ADAMTS2: variants seen among roughly 807,000 people sequenced by gnomAD.
The protein encoded by ADAMTS2 is A disintegrin and metalloproteinase with thrombospondin motifs 2.
ADAMTS2 carries 50 observed loss-of-function variants against 123.0 expected under a neutral mutation model. The observed-to-expected ratio is 0.41, with a 90% confidence interval of 0.32 to 0.51. The LOEUF (loss-of-function observed/expected upper bound fraction) is 0.51, where lower values mean the gene tolerates loss of function less well. Ranked by LOEUF, ADAMTS2 falls within the 20% of genes least tolerant of loss-of-function variation. The pLI, the probability that ADAMTS2 is intolerant of heterozygous loss-of-function variation, is 0.35. For synonymous variants in ADAMTS2, 678 were observed against 695.4 expected, an observed-to-expected ratio of 0.98 and a Z score of 0.39; for missense variants, 1,494 against 1,705.2, an observed-to-expected ratio of 0.88 and a Z score of 2.18.
intron 3 of ADAMTS2, among the ~76,000 whole-genome samples, chr5:179,221,198 C>T (rs1170608103): frequency 6.6e-6 from 1 of 152,174 alleles, no homozygotes; most frequent in Non-Finnish European, 1.5e-5. Flanking sequence ...CCTGTTTCTT[C>T]TTCATGGTAG....
rs576242474 is a variant in ADAMTS2 at position 179,180,922 on chromosome 5, T to C, written c.975+150A>G. 62 of 662,402 alleles carry C rather than the reference T, an allele frequency of 9.4e-5. No individual in the cohort carries two copies. Among genetic ancestry groups the C allele is most frequent in the Non-Finnish European group, 1.6e-4 (59 of 366,006 alleles). The allele number at this position is 662,402 out of a possible 1,614,324, so 41.0% of individuals were successfully genotyped here. On this transcript the variant is annotated intron_variant, in intron 5 of 21. Coordinates refer to ENST00000251582, the MANE Select transcript of ADAMTS2 (RefSeq NM_014244.5). The surrounding 1 kb of genome is among the most constrained non-coding windows in gnomAD (Gnocchi z 4.6). ...AACAAGGGGTGAAAGGGAGCAGGGA[T>C]CTTGTTTCTTATAGGAACCTCAGGG...
chr5:179,297,562 C>T (rs1053865046), intron 2 of ADAMTS2, among the ~76,000 whole-genome samples: 1 of 152,086 alleles, frequency 6.6e-6, no homozygotes, highest in Admixed American at 6.5e-5. Flanking sequence ...ACGCTGAGGC[C>T]CCATGTCTCC....
chr5:179,229,322 AC>A (rs1345712669), intron 3 of ADAMTS2, among the ~76,000 whole-genome samples: 4 of 100,466 alleles, frequency 4.0e-5, no homozygotes, highest in African/African-American at 1.3e-4. Flanking sequence ...CCCGCTGCCC[AC>A]TCCACAAACA....
intron 21 of ADAMTS2, among the ~76,000 whole-genome samples, chr5:179,114,562 T>C (rs1189121727): frequency 2.6e-5 from 4 of 152,194 alleles, no homozygotes; most frequent in Admixed American, 6.5e-5. Context: ...GCTTCCCTCT[T>C]CCAAGCAGGC....
intron 2 of ADAMTS2, among the ~76,000 whole-genome samples, chr5:179,313,237 G>A (rs111681899): frequency 2.8e-5 from 4 of 143,456 alleles, no homozygotes; most frequent in African/African-American, 1.0e-4. Context: ...GACAGAGGAG[G>A]GCCTGGCCAG....
rs1422793146 is a variant in ADAMTS2, at chr5:179,262,526, T to G, written c.688+10385A>C. On this transcript the variant is annotated intron_variant, in intron 3 of 21. Transcript: ENST00000251582. The surrounding 1 kb of genome is among the most constrained non-coding windows in gnomAD (Gnocchi z 5.9). The stretch of plus-strand genomic sequence containing the variant: ...CCTCCCGGCCCTGCACGCCTCCCAC[T>G]CCCCCATTACGTCCTCAGTTCCAGG... Among the ~76,000 whole-genome samples, 5 of 151,746 alleles carry G rather than the reference T, an allele frequency of 3.3e-5. No individual in the cohort carries two copies. The highest frequency in any genetic ancestry group is 1.2e-4 in the African/African-American group (5 of 41,288).
chr5:179,137,780 TC>T lies in ADAMTS2; in HGVS notation c.1939del (p.Glu647SerfsTer24). Reference protein sequence around the residue: ...GDAQHHWLPHEHRDAKERCHL... With the variant: ...GDAQHHWLPHXHRDAKERCHL... The stretch of plus-strand genomic sequence containing the variant: ...CCAGAAGGGCTCACCATCCCGGTGC[TC>T]GTGGGGCAGCCAGTGGTGCTGGGCG... On this transcript the variant is annotated frameshift_variant, in exon 12 of 22. Coordinates refer to ENST00000251582, the MANE Select transcript of ADAMTS2 (RefSeq NM_014244.5). LOFTEE classifies it high-confidence loss of function. 6.5e-7 allele frequency: 1 copy of T among 1,541,168 alleles called. No homozygotes were observed. The highest frequency in any genetic ancestry group is 8.7e-7 in the Non-Finnish European group (1 of 1,143,558).
chr5:179,278,221 A>G (rs1351489275), intron 2 of ADAMTS2, among the ~76,000 whole-genome samples: 4 of 142,890 alleles, frequency 2.8e-5, no homozygotes, highest in Non-Finnish European at 6.1e-5. Flanking sequence ...TCCTGCCAAG[A>G]CCGCTGGCCA....
rs1425384764 is a variant in ADAMTS2 at position 179,225,160 on chromosome 5, T to G, written c.689-17445A>C. Among the ~76,000 whole-genome samples the G allele has an allele frequency of 2.8e-4, 43 of 152,080 alleles. No individual in the cohort carries two copies. The highest frequency in any genetic ancestry group is 2.7e-3 in the Admixed American group (41 of 15,262). On this transcript the variant is annotated intron_variant, in intron 3 of 21. Transcript: ENST00000251582. The surrounding 1 kb of genome is among the most constrained non-coding windows in gnomAD (Gnocchi z 4.5). ...AACTAACACTCAGCACGCACCAGGCTCCTCCTCCCTCTCATGGACTCTCAA... is the reference window on the plus strand; with the variant it reads ...AACTAACACTCAGCACGCACCAGGCGCCTCCTCCCTCTCATGGACTCTCAA...
chr5:179,163,553 C>G (rs555043071), intron 5 of ADAMTS2, among the ~76,000 whole-genome samples: 2 of 152,314 alleles, frequency 1.3e-5, no homozygotes, highest in Middle Eastern at 3.4e-3. Context: ...CCCGTCACCA[C>G]TTTATTCCAG....
At chr5:179,160,879 G>A (rs1361925834) in intron 5 of ADAMTS2, among the ~76,000 whole-genome samples, 7 of 152,184 alleles carry the variant, frequency 4.6e-5, no homozygotes, top group Admixed American at 3.3e-4. Context: ...GTCTCTTTTC[G>A]GTTGGAGCAT....
chr5:179,300,656 G>A (rs1756489825), intron 2 of ADAMTS2, among the ~76,000 whole-genome samples: 1 of 152,146 alleles, frequency 6.6e-6, no homozygotes, highest in Non-Finnish European at 1.5e-5. Flanking sequence ...TGGCACAGCA[G>A]GCTTTAGCAG....
rs1756360486 is a variant in ADAMTS2 at position 179,297,092 on chromosome 5, G to A, written c.535-24028C>T. Among the ~76,000 whole-genome samples the A allele has an allele frequency of 2.0e-5, 3 of 152,246 alleles. No homozygotes were observed. In the South Asian group the frequency reaches 6.2e-4, roughly 32 times the overall value. On this transcript the variant is annotated intron_variant, in intron 2 of 21. Coordinates refer to ENST00000251582, the MANE Select transcript of ADAMTS2 (RefSeq NM_014244.5). ...AGTCACCAAGCTTTACAAACCAAGG[G>A]CCGCAGCATCTGCCATGGTTAGAAA...
In ADAMTS2 at chr5:179,125,990, G is replaced by A. The variant is rs758826264; in HGVS notation, c.2750+8C>T. 1.2e-6 allele frequency: 2 copies of A among 1,613,388 alleles called. No individual in the cohort carries two copies. The highest frequency in any genetic ancestry group is 2.2e-5 in the East Asian group (1 of 44,878). ...CCTCTAGTGGGAGCCCGAGCTGGGG[G>A]CACTCACACTGGCTGGGAGCATTCC... On this transcript the variant is annotated splice_region_variant and intron_variant, in intron 18 of 21. Coordinates refer to ENST00000251582, the MANE Select transcript of ADAMTS2 (RefSeq NM_014244.5).
At chr5:179,268,028 C>T (rs756342566) in intron 3 of ADAMTS2, among the ~76,000 whole-genome samples, 2 of 152,218 alleles carry the variant, frequency 1.3e-5, no homozygotes, top group Non-Finnish European at 2.9e-5. Context: ...ATTCCTGGAG[C>T]CTTCTCAGTT....
intron 3 of ADAMTS2, among the ~76,000 whole-genome samples, chr5:179,251,105 AG>A (rs1427507608): frequency 6.6e-6 from 1 of 152,222 alleles, no homozygotes; most frequent in Non-Finnish European, 1.5e-5. Context: ...ATTCTGCATC[AG>A]GCGGGCCTGG....
rs561737671 is a variant in ADAMTS2, at chr5:179,239,763, C to T, written c.689-32048G>A. On this transcript the variant is annotated intron_variant, in intron 3 of 21. Transcript: ENST00000251582. Reference sequence around the variant, plus strand: ...AGGACAGAGCCCTGGGCGCATCAACCCCAGAGGGTGCGGGAAGAGGAAGGA... The same window carrying T: ...AGGACAGAGCCCTGGGCGCATCAACTCCAGAGGGTGCGGGAAGAGGAAGGA... Among the ~76,000 whole-genome samples the T allele has an allele frequency of 2.0e-5, 3 of 152,138 alleles. No homozygotes were observed. The East Asian group carries it at 5.8e-4, about 29-fold the overall frequency.
At chr5:179,253,098 T>G (rs1349429753) in intron 3 of ADAMTS2, among the ~76,000 whole-genome samples, 1 of 152,220 alleles carries the variant, frequency 6.6e-6, no homozygotes, top group African/African-American at 2.4e-5. Context: ...TAGGTCTGTT[T>G]CCATACTTTA....
intron 3 of ADAMTS2, among the ~76,000 whole-genome samples, chr5:179,223,440 ACT>A (rs1257560706): frequency 2.7e-5 from 4 of 150,236 alleles, no homozygotes; most frequent in Admixed American, 2.0e-4. Context: ...ACACGAACGC[ACT>A]CACACACGCA....
Sources: gnomAD v4.1 joint callset for allele counts (sites outside exome capture counted in the v4.1 genomes callset) on GRCh38, gnomAD v4.1.1 for gene constraint, Gnocchi (gnomAD v3.1) non-coding constraint, MANE v1.5 for transcripts, NCBI Gene and HGNC (gene_info 2026-07-23, HGNC 2026-07-21) for gene names.